SUN3: variants seen among roughly 807,000 people sequenced by gnomAD.
The protein encoded by SUN3 is SUN domain-containing protein 3.
A neutral mutation model predicts 48.2 loss-of-function variants in SUN3; 36 were observed. That is an observed-to-expected ratio of 0.75 (90% CI 0.57 to 0.99). The LOEUF is 0.99. SUN3 is among the 50% of genes least tolerant of loss of function. SUN3 has a pLI of 0.00. For missense variants in SUN3, 419 were observed against 433.1 expected (o/e 0.97, Z 0.29); for synonymous variants, 148 against 147.9 (o/e 1.00, Z 0.00).
chr7:47,989,475 TGA>T (rs1453325317), intron 8 of SUN3, among the ~76,000 whole-genome samples: 1 of 152,226 alleles, frequency 6.6e-6, no homozygotes, highest in Non-Finnish European at 1.5e-5. Context: ...TGAAGATTTG[TGA>T]GAGGATAACG....
rs567683508 is a variant in SUN3 at position 47,992,106 on chromosome 7, T to G, written c.861+2209A>C. Among the ~76,000 whole-genome samples, 17 of 152,174 alleles carry G rather than the reference T, an allele frequency of 1.1e-4. No homozygotes were observed. The East Asian group carries it at 3.1e-3, about 28-fold the overall frequency. On this transcript the variant is annotated intron_variant, in intron 8 of 9. Transcript: ENST00000297325. Reference sequence around the variant, plus strand: ...GTCAGCTCTCCTGATAGCACACTTGTGACTCCCGACGAAATGGCCCGACCA... The same window carrying G: ...GTCAGCTCTCCTGATAGCACACTTGGGACTCCCGACGAAATGGCCCGACCA...
chr7:47,987,981 T>C (rs1293219073), intron 9 of SUN3, among the ~76,000 whole-genome samples: 1 of 152,152 alleles, frequency 6.6e-6, no homozygotes, highest in African/African-American at 2.4e-5. Flanking sequence ...TATTCCGCTG[T>C]TTCCCCCCTC....
At chr7:48,017,982 A>T (rs1789859800) in intron 2 of SUN3, among the ~76,000 whole-genome samples, 2 of 152,224 alleles carry the variant, frequency 1.3e-5, no homozygotes, top group African/African-American at 2.4e-5. Flanking sequence ...ATAAAGAGGC[A>T]GTCTCTTTCT....
At chr7:48,023,113 GTAT>G (rs1790045198) in intron 2 of SUN3, among the ~76,000 whole-genome samples, 1 of 152,046 alleles carries the variant, frequency 6.6e-6, no homozygotes, top group South Asian at 2.1e-4. Flanking sequence ...TATGAAACCA[GTAT>G]TATTGTTTTG....
chr7:48,002,634 T>C (rs1443743299), intron 6 of SUN3, among the ~76,000 whole-genome samples: 1 of 152,196 alleles, frequency 6.6e-6, no homozygotes, highest in African/African-American at 2.4e-5. Flanking sequence ...TATTAGACCA[T>C]TGTTGGTTGC....
At chr7:47,991,098 A>G (rs898565345) in intron 8 of SUN3, 16 of 450,812 alleles carry the variant, frequency 3.5e-5, no homozygotes, top group Admixed American at 1.9e-4. Flanking sequence ...AAAACAAACC[A>G]AAAAAACGGG....
rs1436155504 is a variant in SUN3, at chr7:48,024,312, C to T, written c.184+1565G>A. On this transcript the variant is annotated intron_variant, in intron 2 of 9. Coordinates refer to ENST00000297325, the MANE Select transcript of SUN3 (RefSeq NM_001030019.2). ...AGAATATATTAAAAAACTCTTCCAA[C>T]TCAACAACAAAAGGACAAACAACCT... Among the ~76,000 whole-genome samples, 3 of 152,058 alleles carry T rather than the reference C, an allele frequency of 2.0e-5. No individual in the cohort carries two copies. The South Asian group carries it at 6.2e-4, about 32-fold the overall frequency.
chr7:47,988,356 A>G (rs1312181234), intron 9 of SUN3, among the ~76,000 whole-genome samples: 1 of 152,084 alleles, frequency 6.6e-6, no homozygotes, highest in Non-Finnish European at 1.5e-5. Flanking sequence ...CTGGGTTAGG[A>G]GTTTTACTTG....
intron 6 of SUN3, among the ~76,000 whole-genome samples, chr7:47,997,159 G>A (rs1178358781): frequency 6.6e-6 from 1 of 152,044 alleles, no homozygotes; most frequent in African/African-American, 2.4e-5. Context: ...AGTTCCTAGA[G>A]TTGCCAGATT....
intron 6 of SUN3, among the ~76,000 whole-genome samples, chr7:47,996,842 G>A (rs184183236): frequency 1.5e-5 from 2 of 133,886 alleles, no homozygotes; most frequent in African/African-American, 5.7e-5. Flanking sequence ...TCACTCTGTC[G>A]CCAGGCTGGA....
chr7:48,026,911 G>T (rs1431445024), intron 1 of SUN3, among the ~76,000 whole-genome samples: 1 of 152,152 alleles, frequency 6.6e-6, no homozygotes. Flanking sequence ...TGTTGTTTCA[G>T]CCACCCAGTC....
chr7:48,009,210 G>A (rs1035109854), intron 3 of SUN3, 135 bp from the exon 4 acceptor site: 17 of 761,520 alleles, frequency 2.2e-5, no homozygotes, highest in Non-Finnish European at 3.1e-5. Flanking sequence ...ACTCAGGAGC[G>A]TCCTCTGAGA....
chr7:48,009,052 C>T lies in SUN3; in HGVS notation c.312G>A (p.Glu104=), dbSNP rs1205791661. The T allele has an allele frequency of 1.2e-6, 2 of 1,612,286 alleles. No homozygotes were observed. The highest frequency in any genetic ancestry group is 1.3e-5 in the African/African-American group (1 of 74,806). Residue 104 remains glutamate (E), a synonymous_variant, in exon 4 of 10, where the codon GAG becomes GAA. Transcript: ENST00000297325. ...GCACTCACTTTAAAAGTTCCAGTTG[C>T]TCTTTAGGCATACGAAGTCTGGCCT... ...KYQARLRMPK[E]QLELLKKESQ... is the part of the protein sequence containing the mutation.
chr7:48,031,095 G>A (rs1201035060), upstream of SUN3, among the ~76,000 whole-genome samples: 2 of 152,120 alleles, frequency 1.3e-5, no homozygotes, highest in Non-Finnish European at 2.9e-5. Context: ...TTTTAAATAT[G>A]ACATCAAAAG....
In SUN3 at chr7:48,002,229, G is replaced by A. The variant is rs542172134; in HGVS notation, c.577+3740C>T. On this transcript the variant is annotated intron_variant, in intron 6 of 9. Coordinates refer to ENST00000297325, the MANE Select transcript of SUN3 (RefSeq NM_001030019.2). ...GGCTGGAGTGCAGTGGCGCGATCTCGGCTCACTGCAAGCTCCGCCTCCCGG... is the reference window on the plus strand; with the variant it reads ...GGCTGGAGTGCAGTGGCGCGATCTCAGCTCACTGCAAGCTCCGCCTCCCGG... 7.0e-5 allele frequency among the ~76,000 whole-genome samples: 6 copies of A among 86,236 alleles called. No homozygotes were observed. In the South Asian group the frequency reaches 1.1e-3, roughly 15 times the overall value. The allele number at this position is 86,236 out of a possible 152,430, so 56.6% of individuals were successfully genotyped here. A position where few individuals can be genotyped will look rare whatever the true frequency, so the allele number is the denominator to read the frequency against.
chr7:48,028,098 G>T (rs1790183848), intron 1 of SUN3, among the ~76,000 whole-genome samples: 1 of 152,150 alleles, frequency 6.6e-6, no homozygotes, highest in Non-Finnish European at 1.5e-5. Flanking sequence ...TTATTACTGT[G>T]ATTTTGAAAT....
chr7:48,035,655 A>G, the SUN3 span: 2 of 651,584 alleles, frequency 3.1e-6, no homozygotes, highest in Non-Finnish European at 5.6e-6. The surrounding 1 kb of genome is among the most constrained non-coding windows in gnomAD (Gnocchi z 4.0). Flanking sequence ...GCTGGAGGAC[A>G]ATGGGGGCGC....
At chr7:48,007,356 G>GAAGAAAGTGTA (rs1421150225) in intron 4 of SUN3, 29 bp from the exon 5 acceptor site, 16 of 1,604,058 alleles carry the variant, frequency 1.0e-5, no homozygotes, top group African/African-American at 1.3e-5. Context: ...AGCATGAGAG[G>GAAGAAAGTGTA]AAGAAAGTGT....
At chr7:48,028,778 C>G in intron 1 of SUN3, 39 bp downstream of exon 1, 2 of 1,603,922 alleles carry the variant, frequency 1.2e-6, no homozygotes, top group Admixed American at 1.7e-5. Flanking sequence ...CACATAAAAC[C>G]TACAATTTCA....
Sources: gnomAD v4.1 joint callset for allele counts (sites outside exome capture counted in the v4.1 genomes callset) on GRCh38, gnomAD v4.1.1 for gene constraint, Gnocchi (gnomAD v3.1) non-coding constraint, MANE v1.5 for transcripts, NCBI Gene and HGNC (gene_info 2026-07-23, HGNC 2026-07-21) for gene names.